Variants in CCNK observed in about 807,000 individuals in gnomAD.
CCNK encodes cyclin K.
Under a neutral mutation model 65.0 loss-of-function variants are expected in CCNK, and 9 were observed. The ratio of observed to expected loss-of-function variants is 0.14; its 90% CI spans 0.08 to 0.24. The LOEUF is 0.24. Ranked by LOEUF, CCNK falls within the 10% of genes least tolerant of loss-of-function variation. The pLI, the probability that CCNK is intolerant of heterozygous loss-of-function variation, is 1.00. For missense variants in CCNK, 474 were observed against 720.0 expected, an observed-to-expected ratio of 0.66 and a Z score of 3.91; for synonymous variants, 279 against 270.8, an observed-to-expected ratio of 1.03 and a Z score of -0.30.
intron 1 of CCNK, among the ~76,000 whole-genome samples, chr14:99,488,938 T>C (rs1255180752): frequency 6.7e-6 from 1 of 149,398 alleles, no homozygotes; most frequent in Non-Finnish European, 1.5e-5. Context: ...CCCTAGCAAA[T>C]CATTCCTTCA....
At chr14:99,504,082 C>A in intron 9 of CCNK, 1 of 386,582 alleles carries the variant, frequency 2.6e-6, no homozygotes. Flanking sequence ...GCAGGCAAGG[C>A]CTCTTTGAAA....
chr14:99,503,188 G>C (rs1013099475), intron 8 of CCNK: 8 of 715,068 alleles, frequency 1.1e-5, no homozygotes, highest in Non-Finnish European at 2.0e-5. Flanking sequence ...CCAGGAGGGG[G>C]CTCTCTGCCC....
chr14:99,506,887 T>G (rs1595324777), intron 9 of CCNK, 189 bp from the exon 10 acceptor site: 1 of 567,456 alleles, frequency 1.8e-6, no homozygotes, highest in Non-Finnish European at 3.2e-6. Context: ...TGGAGGGAGG[T>G]GGCATTTAAT....
chr14:99,504,972 G>A (rs1032980086), intron 9 of CCNK: 1 of 152,356 alleles, frequency 6.6e-6, no homozygotes, highest in African/African-American at 2.4e-5. Context: ...GTGAGCAAAG[G>A]AATTGAGAAT....
Position 99,502,701 on chromosome 14 carries a change from T to C in CCNK, c.746-18T>C. On this transcript the variant is annotated intron_variant, in intron 7 of 10. Coordinates refer to ENST00000389879, the MANE Select transcript of CCNK (RefSeq NM_001099402.2). The stretch of plus-strand genomic sequence containing the variant: ...AAATACCAATTTGTGTAAAATGTAA[T>C]TGTTGGCTATCATTTAGACATCTGC... 6.2e-7 allele frequency: 1 copy of C among 1,608,000 alleles called. No homozygotes were observed. Among genetic ancestry groups the C allele is most frequent in the Non-Finnish European group, 8.5e-7 (1 of 1,174,670 alleles).
At chr14:99,487,707 G>A (rs1486157170) in intron 1 of CCNK, among the ~76,000 whole-genome samples, 2 of 152,234 alleles carry the variant, frequency 1.3e-5, no homozygotes, top group South Asian at 2.1e-4. Flanking sequence ...AGGAAAGAAC[G>A]AAGAGAGCTT....
chr14:99,501,461 G>C, intron 6 of CCNK, 48 bp downstream of exon 6: 1 of 1,211,766 alleles, frequency 8.3e-7, no homozygotes, highest in Non-Finnish European at 1.2e-6. Context: ...AAAATAGGCA[G>C]AGACTTTATG....
At chr14:99,503,479 C>A in intron 8 of CCNK, 132 bp from the exon 9 acceptor site, 3 of 710,622 alleles carry the variant, frequency 4.2e-6, no homozygotes, top group South Asian at 3.6e-5. Context: ...AAAGTTCAGG[C>A]TAGAAATAAT....
intron 8 of CCNK, 193 bp downstream of exon 8, chr14:99,503,177 A>G (rs1896882647): frequency 9.6e-6 from 7 of 727,654 alleles, no homozygotes; most frequent in Non-Finnish European, 1.5e-5. Context: ...GCCTCTGAGA[A>G]CCAGGAGGGG....
At chr14:99,504,182 G>T in intron 9 of CCNK, 1 of 237,850 alleles carries the variant, frequency 4.2e-6, no homozygotes. Flanking sequence ...GAGCAAAATT[G>T]GAACAATTAC....
chr14:99,506,786 A>C, intron 9 of CCNK: 3 of 406,730 alleles, frequency 7.4e-6, no homozygotes, highest in South Asian at 6.5e-5. Flanking sequence ...TGCTGGTCTC[A>C]CATGGTCGGA....
chr14:99,499,655 A>G (rs1896778130), intron 4 of CCNK, among the ~76,000 whole-genome samples: 1 of 152,192 alleles, frequency 6.6e-6, no homozygotes, highest in Non-Finnish European at 1.5e-5. Flanking sequence ...AGCAGTAGGT[A>G]CAGTCGGCTG....
At chr14:99,507,754 CT>C (rs1897011500) in intron 10 of CCNK, 1 of 153,600 alleles carries the variant, frequency 6.5e-6, no homozygotes, top group Admixed American at 6.4e-5. Context: ...CCGGCCGCCC[CT>C]ACACCTGCTT....
chr14:99,510,454 C>T lies in CCNK; in HGVS notation c.1415C>T (p.Pro472Leu). ...GCCTACGGCCCACCTGCACACCTGCCCTACCACCCCCATGTCTACCCGCCC... is the reference window on the plus strand; with the variant it reads ...GCCTACGGCCCACCTGCACACCTGCTCTACCACCCCCATGTCTACCCGCCC... ...PPAYGPPAHLPYHPHVYPPNP... is the reference protein window; with the variant it reads ...PPAYGPPAHLLYHPHVYPPNP... Residue 472 changes from proline to leucine, a missense_variant, in exon 11 of 11, where the codon CCC becomes CTC. By Grantham distance (98) the Pro-to-Leu change is moderately conservative. Coordinates refer to ENST00000389879, the MANE Select transcript of CCNK (RefSeq NM_001099402.2). 1 of 1,534,344 alleles carries T rather than the reference C, an allele frequency of 6.5e-7. No individual in the cohort carries two copies. Among genetic ancestry groups the T allele is most frequent in the Non-Finnish European group, 8.8e-7 (1 of 1,138,486 alleles).
intron 8 of CCNK, 81 bp downstream of exon 8, chr14:99,503,065 C>T (rs771816459): frequency 5.5e-6 from 8 of 1,466,698 alleles, no homozygotes; most frequent in African/African-American, 1.4e-5. Context: ...CATTTCTAAG[C>T]GAGCACAGGG....
chr14:99,497,845 C>G (rs1476708726), intron 4 of CCNK, among the ~76,000 whole-genome samples: 1 of 152,132 alleles, frequency 6.6e-6, no homozygotes, highest in African/African-American at 2.4e-5. Flanking sequence ...AATTATAAAT[C>G]CATTAATCTG....
At chr14:99,486,692 C>G (rs1421999697) in intron 1 of CCNK, among the ~76,000 whole-genome samples, 1 of 152,178 alleles carries the variant, frequency 6.6e-6, no homozygotes, top group Non-Finnish European at 1.5e-5. Flanking sequence ...AACTTGAAAT[C>G]ATCTTTTTCC....
intron 7 of CCNK, 108 bp downstream of exon 7, chr14:99,502,484 C>T (rs1896857689): frequency 1.4e-6 from 2 of 1,444,254 alleles, no homozygotes; most frequent in Admixed American, 2.6e-5. Flanking sequence ...CATATGTGAG[C>T]AATATTTCAG....
intron 4 of CCNK, 154 bp from the exon 5 acceptor site, chr14:99,500,612 A>C (rs1327961420): frequency 4.8e-6 from 3 of 625,736 alleles, no homozygotes; most frequent in Admixed American, 2.9e-5. Flanking sequence ...GTCTCTGAGC[A>C]TGTTAAAAGT....
Sources: allele counts gnomAD v4.1 joint callset (sites outside exome capture counted in the v4.1 genomes callset), GRCh38; gene constraint gnomAD v4.1.1; transcripts MANE v1.5; gene names NCBI Gene and HGNC (gene_info 2026-07-23, HGNC 2026-07-21).